The following GALNT11 variants were observed in gnomAD, a reference collection of about 807,000 sequenced individuals.
The protein encoded by GALNT11 is UDP-GalNAc:polypeptide N-acetylgalactosaminyltransferase 11.
In GALNT11, 47 loss-of-function variants were observed where a neutral mutation model predicts 72.7. That is an observed-to-expected ratio of 0.65 (90% CI 0.51 to 0.82). The LOEUF is 0.82. GALNT11 is among the 40% of genes least tolerant of loss of function. The pLI is 0.00. For missense variants in GALNT11, 677 were observed against 778.4 expected, an observed-to-expected ratio of 0.87 and a Z score of 1.55; for synonymous variants, 270 against 286.6, an observed-to-expected ratio of 0.94 and a Z score of 0.58.
At chr7:152,073,536 T>C (rs1224514121) in intron 1 of GALNT11, among the ~76,000 whole-genome samples, 3 of 152,234 alleles carry the variant, frequency 2.0e-5, no homozygotes, top group Non-Finnish European at 2.9e-5. Context: ...TTTCTTTATC[T>C]GTTTATCTGT....
chr7:152,066,160 G>C (rs1453881331), intron 1 of GALNT11, among the ~76,000 whole-genome samples: 1 of 152,168 alleles, frequency 6.6e-6, no homozygotes, highest in Non-Finnish European at 1.5e-5. Context: ...CCCCAGCCTC[G>C]CTGCTGCCTT....
At chr7:152,089,427 C>T (rs1036699431) in intron 1 of GALNT11, among the ~76,000 whole-genome samples, 3 of 152,148 alleles carry the variant, frequency 2.0e-5, no homozygotes, top group Non-Finnish European at 4.4e-5. Context: ...GGAACAATGG[C>T]GAGAGCACAT....
In GALNT11 at chr7:152,118,694, C is replaced by A. The variant is rs200902600; in HGVS notation, c.1469C>A (p.Thr490Asn). Reference protein sequence around the residue: ...LQRGRLYHLQTNKCLVAQGRP... With the variant: ...LQRGRLYHLQNNKCLVAQGRP... ...CTCTTACAGCTCTATCACCTCCAGA[C>A]CAACAAATGCCTGGTGGCCCAGGGC... The change falls in exon 10 of 12, where the codon ACC (threonine) becomes AAC (asparagine). Residue 490 changes from threonine to asparagine, a missense_variant. Transcript: ENST00000430044. 9.9e-6 allele frequency: 16 copies of A among 1,610,518 alleles called. No individual in the cohort carries two copies. The highest frequency in any genetic ancestry group is 1.4e-5 in the Non-Finnish European group (16 of 1,178,548).
chr7:152,050,528 C>T (rs1322047279), intron 1 of GALNT11, among the ~76,000 whole-genome samples: 2 of 152,180 alleles, frequency 1.3e-5, no homozygotes, highest in Non-Finnish European at 2.9e-5. Context: ...TCTTCCGTCT[C>T]CTTTCCTCAA....
intron 10 of GALNT11, chr7:152,119,861 T>TAAGA (rs1410825780): frequency 1.3e-5 from 2 of 151,960 alleles, no homozygotes; most frequent in Non-Finnish European, 2.9e-5. Context: ...AGTGACAGAG[T>TAAGA]AAGACTCTGT....
At chr7:152,066,108 T>C (rs1472047597) in intron 1 of GALNT11, among the ~76,000 whole-genome samples, 1 of 152,232 alleles carries the variant, frequency 6.6e-6, no homozygotes, top group Non-Finnish European at 1.5e-5. Flanking sequence ...TCCTGGCTGC[T>C]TTGTTTACCT....
intron 7 of GALNT11, 93 bp from the exon 8 acceptor site, chr7:152,113,153 C>T: frequency 1.5e-6 from 2 of 1,333,626 alleles, no homozygotes; most frequent in East Asian, 2.4e-5. Context: ...TCATAAACAC[C>T]TATTGAATAA....
chr7:152,091,626 C>T (rs1217059730), intron 1 of GALNT11, among the ~76,000 whole-genome samples: 1 of 152,144 alleles, frequency 6.6e-6, no homozygotes, highest in African/African-American at 2.4e-5. Flanking sequence ...GATCTGCCCA[C>T]TTTAGCCTTC....
chr7:152,039,948 C>G (rs750917815), intron 1 of GALNT11, among the ~76,000 whole-genome samples: 1 of 152,086 alleles, frequency 6.6e-6, no homozygotes, highest in Non-Finnish European at 1.5e-5. Context: ...GTTAAGAATG[C>G]TAGATTCAAT....
chr7:152,102,826 G>T (rs1250752134), intron 3 of GALNT11, among the ~76,000 whole-genome samples: 1 of 151,210 alleles, frequency 6.6e-6, no homozygotes, highest in Non-Finnish European at 1.5e-5. Context: ...TACTAAAAAT[G>T]CAGAATTAGC....
At chr7:152,033,941 C>T (rs1480882279) in intron 1 of GALNT11, among the ~76,000 whole-genome samples, 1 of 152,234 alleles carries the variant, frequency 6.6e-6, no homozygotes, top group Admixed American at 6.5e-5. Context: ...AGTAGCATGA[C>T]ATCTCTCCAA....
chr7:152,040,992 G>T (rs140860976), intron 1 of GALNT11, among the ~76,000 whole-genome samples: 6 of 152,156 alleles, frequency 3.9e-5, no homozygotes, highest in African/African-American at 1.4e-4. Flanking sequence ...GCAGCTTCTC[G>T]ATCTGTCCCC....
intron 7 of GALNT11, 59 bp downstream of exon 7, chr7:152,110,704 A>G (rs1052280805): frequency 1.7e-6 from 2 of 1,181,850 alleles, no homozygotes; most frequent in Admixed American, 2.1e-5. Context: ...ATTTTCATCC[A>G]TGATCTCATA....
chr7:152,047,230 G>T (rs1039147932), intron 1 of GALNT11, among the ~76,000 whole-genome samples: 3 of 152,104 alleles, frequency 2.0e-5, no homozygotes, highest in Non-Finnish European at 4.4e-5. Context: ...CAGCACTTTG[G>T]TAGGCCGAGG....
Position 152,114,619 on chromosome 7 carries a change from G to A in GALNT11, c.1233+1221G>A, listed in dbSNP as rs2088643799. Among the ~76,000 whole-genome samples the A allele has an allele frequency of 2.0e-5, 3 of 151,674 alleles. No individual in the cohort carries two copies. The South Asian group carries it at 6.3e-4, about 32-fold the overall frequency. On this transcript the variant is annotated intron_variant, in intron 8 of 11. Transcript: ENST00000430044. ...CTTGTTGCCCAGGCTGAAGTGCAAC[G>A]GCGCAATCTCGGCTCACTGCAACCT...
intron 1 of GALNT11, among the ~76,000 whole-genome samples, chr7:152,087,634 AT>A (rs1182995183): frequency 6.6e-6 from 1 of 152,224 alleles, no homozygotes; most frequent in Non-Finnish European, 1.5e-5. Flanking sequence ...TATTCATCCT[AT>A]AGATACTTTT....
chr7:152,121,290 C>T (rs959186137), intron 11 of GALNT11, among the ~76,000 whole-genome samples: 3 of 152,186 alleles, frequency 2.0e-5, no homozygotes, highest in African/African-American at 7.2e-5. Context: ...CGGAGGTGGG[C>T]GGATCGCCGT....
chr7:152,062,724 C>T (rs1407660799), intron 1 of GALNT11, among the ~76,000 whole-genome samples: 2 of 152,110 alleles, frequency 1.3e-5, no homozygotes, highest in African/African-American at 2.4e-5. Flanking sequence ...TTGAGATAAT[C>T]GTGTGGTTTT....
At chr7:152,057,115 C>A (rs1318608988) in intron 1 of GALNT11, among the ~76,000 whole-genome samples, 1 of 149,736 alleles carries the variant, frequency 6.7e-6, no homozygotes, top group Non-Finnish European at 1.5e-5. Context: ...CTGGGCCTCT[C>A]AAAGTACTGG....
Sources: allele counts gnomAD v4.1 joint callset (sites outside exome capture counted in the v4.1 genomes callset), GRCh38; gene constraint gnomAD v4.1.1; transcripts MANE v1.5; gene names NCBI Gene and HGNC (gene_info 2026-07-23, HGNC 2026-07-21).